RCAN2: variants seen among roughly 807,000 people sequenced by gnomAD.
RCAN2 encodes regulator of calcineurin 2.
RCAN2 carries 9 observed loss-of-function variants against 23.6 expected under a neutral mutation model. The observed-to-expected ratio is 0.38, with a 90% CI of 0.23 to 0.67. RCAN2 has a LOEUF of 0.67. Ranked by LOEUF, RCAN2 falls within the 30% of genes least tolerant of loss-of-function variation. The probability of loss-of-function intolerance (pLI) is 0.51; values close to 1 mark genes in which losing one functional copy is unlikely to be tolerated. For missense variants in RCAN2, 273 were observed against 302.3 expected (o/e 0.90, Z 0.72); for synonymous variants, 109 against 115.7 (o/e 0.94, Z 0.37).
chr6:46,310,914 C>T (rs983396912), intron 2 of RCAN2, among the ~76,000 whole-genome samples: 13 of 152,100 alleles, frequency 8.5e-5, no homozygotes, highest in Admixed American at 7.2e-4. Context: ...ACTGCTGTGT[C>T]TTTAAGAGAG....
At chr6:46,370,505 G>C (rs1765296129) in intron 2 of RCAN2, among the ~76,000 whole-genome samples, 1 of 152,168 alleles carries the variant, frequency 6.6e-6, no homozygotes. Flanking sequence ...AGTAGACAGG[G>C]AAAGAAAGAG....
At chr6:46,252,712 C>A (rs1165360338) in intron 2 of RCAN2, among the ~76,000 whole-genome samples, 1 of 152,126 alleles carries the variant, frequency 6.6e-6, no homozygotes, top group Non-Finnish European at 1.5e-5. Context: ...CATTGTTTTA[C>A]ATTTTTGCAA....
At chr6:46,415,579 G>C (rs1407407208) in intron 2 of RCAN2, among the ~76,000 whole-genome samples, 1 of 152,154 alleles carries the variant, frequency 6.6e-6, no homozygotes, top group Non-Finnish European at 1.5e-5. Context: ...CAGGAGAATA[G>C]AGTTGGAGGA....
At chr6:46,364,616 A>G (rs1765112764) in intron 2 of RCAN2, among the ~76,000 whole-genome samples, 1 of 152,114 alleles carries the variant, frequency 6.6e-6, no homozygotes, top group African/African-American at 2.4e-5. Context: ...TCACAAATTC[A>G]TCATTTAGTC....
chr6:46,409,461 C>A (rs1026047145), intron 2 of RCAN2, among the ~76,000 whole-genome samples: 2 of 152,196 alleles, frequency 1.3e-5, no homozygotes, highest in Non-Finnish European at 2.9e-5. Context: ...TTCTAATACA[C>A]AAACTATATA....
At chr6:46,366,570 G>C (rs1765176847) in intron 2 of RCAN2, among the ~76,000 whole-genome samples, 1 of 152,052 alleles carries the variant, frequency 6.6e-6, no homozygotes, top group Non-Finnish European at 1.5e-5. Context: ...TGTTTAGCAA[G>C]AATTCTGCTA....
At chr6:46,389,866 C>A (rs959743031) in intron 2 of RCAN2, among the ~76,000 whole-genome samples, 1 of 152,146 alleles carries the variant, frequency 6.6e-6, no homozygotes, top group African/African-American at 2.4e-5. Context: ...TTCCAAAGAG[C>A]CTTTTGGAAT....
At chr6:46,255,186 C>A (rs1455888804) in intron 2 of RCAN2, among the ~76,000 whole-genome samples, 1 of 152,042 alleles carries the variant, frequency 6.6e-6, no homozygotes, top group African/African-American at 2.4e-5. Flanking sequence ...TACACCATTT[C>A]CCCCCAGGAG....
chr6:46,335,555 G>T (rs2150369472), intron 2 of RCAN2, among the ~76,000 whole-genome samples: 1 of 152,234 alleles, frequency 6.6e-6, no homozygotes, highest in African/African-American at 2.4e-5. Flanking sequence ...CCATGGAAAG[G>T]ACGCTCCTCC....
At chr6:46,385,864 A>T (rs1765730350) in intron 2 of RCAN2, among the ~76,000 whole-genome samples, 1 of 144,026 alleles carries the variant, frequency 6.9e-6, no homozygotes, top group African/African-American at 2.5e-5. Flanking sequence ...CTCTCTCAAA[A>T]AAAAAAAAAA....
At chr6:46,429,721 T>C (rs563065541) in intron 2 of RCAN2, among the ~76,000 whole-genome samples, 3 of 152,164 alleles carry the variant, frequency 2.0e-5, no homozygotes, top group East Asian at 3.9e-4. Flanking sequence ...TAGGGTCTAA[T>C]GTGAAGATGT....
At position 46,246,992 on chromosome 6, in the gene RCAN2, A is replaced by G. The variant is rs79679720; in HGVS notation, c.400-73T>C. ...ATGTGTCATGTTGGCACATTAAAAC[A>G]TGGGTTTAGTTTCAGCCTGCGACAA... On this transcript the variant is annotated intron_variant, in intron 3 of 4. Transcript: ENST00000371374. 8.4e-3 allele frequency: 11,030 copies of G among 1,317,554 alleles called. 693 individuals carry two copies. The African/African-American group carries it at 0.14, about 16-fold the overall frequency. 81.6% of individuals were successfully genotyped at this position (1,317,554 alleles called of 1,614,324 possible).
chr6:46,399,535 C>A (rs1384704050), intron 2 of RCAN2, among the ~76,000 whole-genome samples: 2 of 151,604 alleles, frequency 1.3e-5, no homozygotes, highest in Non-Finnish European at 1.5e-5. Flanking sequence ...AAAATGTATT[C>A]TTTCACAGTG....
chr6:46,372,328 C>A (rs1471398435), intron 2 of RCAN2, among the ~76,000 whole-genome samples: 1 of 152,154 alleles, frequency 6.6e-6, no homozygotes, highest in African/African-American at 2.4e-5. Context: ...TTAAGCATTG[C>A]AATAATTCTA....
At chr6:46,489,453 A>G (rs919992407) in intron 1 of RCAN2, among the ~76,000 whole-genome samples, 2 of 152,250 alleles carry the variant, frequency 1.3e-5, no homozygotes, top group Non-Finnish European at 2.9e-5. Context: ...GATCGAGTGG[A>G]TGCTACAGAA....
intron 2 of RCAN2, among the ~76,000 whole-genome samples, chr6:46,378,534 G>A (rs1245154940): frequency 6.6e-6 from 1 of 152,142 alleles, no homozygotes; most frequent in East Asian, 1.9e-4. Flanking sequence ...CATACATCTT[G>A]GGAAGTTTGA....
In RCAN2 at chr6:46,332,313, AT is replaced by A. The variant is rs372523969; in HGVS notation, c.226-83418del. Among the ~76,000 whole-genome samples the A allele has an allele frequency of 2.3e-3, 344 of 151,702 alleles. 2 individuals carry two copies. Among genetic ancestry groups the A allele is most frequent in the African/African-American group, 7.2e-3 (296 of 41,352 alleles). On this transcript the variant is annotated intron_variant, in intron 2 of 4. Transcript: ENST00000371374. ...TTTTAAAAATTCTTTTTTTAATCTG[AT>A]TTTTTTTATTATACTTTAAGTTTTA...
Position 46,222,966 on chromosome 6 carries a change from T to C in RCAN2, c.*175A>G. 1.5e-6 allele frequency: 1 copy of C among 650,844 alleles called. No individual in the cohort carries two copies. The highest frequency in any genetic ancestry group is 2.9e-5 in the Admixed American group (1 of 34,128). The allele number at this position is 650,844 out of a possible 1,614,324, so 40.3% of individuals were successfully genotyped here. A position where few individuals can be genotyped will look rare whatever the true frequency, so the allele number is the denominator to read the frequency against. ...TGGGTTATACTTAATGGGTATGATA[T>C]GATCAGGAGACATATCACCTTTTCC... On this transcript the variant is annotated 3_prime_UTR_variant, in exon 5 of 5. Transcript: ENST00000371374.
intron 2 of RCAN2, among the ~76,000 whole-genome samples, chr6:46,423,635 T>C (rs1221682947): frequency 1.3e-5 from 2 of 152,256 alleles, no homozygotes; most frequent in African/African-American, 4.8e-5. Flanking sequence ...TCCTTATACA[T>C]TTTGTAATTT....
Sources: gnomAD v4.1 joint callset for allele counts (sites outside exome capture counted in the v4.1 genomes callset) on GRCh38, gnomAD v4.1.1 for gene constraint, MANE v1.5 for transcripts, NCBI Gene and HGNC (gene_info 2026-07-23, HGNC 2026-07-21) for gene names.